The following ATP8A1 variants were observed in gnomAD, a reference collection of about 807,000 sequenced individuals.
The protein encoded by ATP8A1 is ATPase phospholipid transporting 8A1, also known as phospholipid-transporting ATPase IA.
In ATP8A1, 90 loss-of-function variants were observed where a neutral mutation model predicts 177.7. That is an observed-to-expected ratio of 0.51 (90% confidence interval 0.43 to 0.60). The LOEUF is 0.60. ATP8A1 is among the 20% of genes least tolerant of loss of function. The pLI, the probability that ATP8A1 is intolerant of heterozygous loss-of-function variation, is 0.00. For synonymous variants in ATP8A1, 493 were observed against 485.9 expected (o/e 1.01, Z -0.19); for missense variants, 1,072 against 1,392.8 (o/e 0.77, Z 3.67).
chr4:42,510,207 G>A (rs6826414), intron 22 of ATP8A1, among the ~76,000 whole-genome samples: 20,178 of 152,154 alleles, frequency 0.13, 1,682 homozygotes, highest in East Asian at 0.26. Context: ...ACTTCTTAGT[G>A]TATAATATAT....
chr4:42,539,813 A>C (rs575140870), intron 20 of ATP8A1, among the ~76,000 whole-genome samples: 1 of 152,310 alleles, frequency 6.6e-6, no homozygotes, highest in East Asian at 1.9e-4. Flanking sequence ...AAATGGATTA[A>C]AAACAAACAT....
At chr4:42,607,052 T>G (rs1342808727) in intron 5 of ATP8A1, among the ~76,000 whole-genome samples, 1 of 152,212 alleles carries the variant, frequency 6.6e-6, no homozygotes, top group East Asian at 1.9e-4. Context: ...ATCCCTACAC[T>G]GGGTTGGAAT....
chr4:42,413,859 C>T (rs771055157), intron 36 of ATP8A1, among the ~76,000 whole-genome samples: 26 of 152,252 alleles, frequency 1.7e-4, no homozygotes, highest in South Asian at 6.2e-4. Flanking sequence ...TTTAAAAAGG[C>T]GAGGAGGAGG....
chr4:42,590,304 G>C (rs975860402), intron 7 of ATP8A1, among the ~76,000 whole-genome samples: 11 of 152,130 alleles, frequency 7.2e-5, no homozygotes, highest in Non-Finnish European at 1.5e-4. Context: ...TTTGTGCAGG[G>C]GGTCCTCTAT....
At chr4:42,590,998 A>G (rs1734119997) in intron 6 of ATP8A1, 114 bp from the exon 7 acceptor site, 3 of 911,710 alleles carry the variant, frequency 3.3e-6, no homozygotes, top group Admixed American at 2.6e-5. Context: ...ATAGAAAATA[A>G]TACATGTTAA....
chr4:42,422,734 C>T (rs1714124341), intron 35 of ATP8A1, 73 bp downstream of exon 35: 1 of 1,221,822 alleles, frequency 8.2e-7, no homozygotes, highest in Non-Finnish European at 1.2e-6. Flanking sequence ...AGTCTTATCA[C>T]TTATTTCCAA....
At chr4:42,481,397 G>A (rs1348369619) in intron 25 of ATP8A1, among the ~76,000 whole-genome samples, 9 of 152,212 alleles carry the variant, frequency 5.9e-5, no homozygotes, top group Non-Finnish European at 1.5e-5. Context: ...TTCCCTGGAA[G>A]ATAGGAATCA....
intron 25 of ATP8A1, among the ~76,000 whole-genome samples, chr4:42,468,040 C>G (rs1042750116): frequency 6.6e-6 from 1 of 152,114 alleles, no homozygotes; most frequent in Non-Finnish European, 1.5e-5. Flanking sequence ...CCACCTTACT[C>G]CTGCAAGAAT....
intron 1 of ATP8A1, among the ~76,000 whole-genome samples, chr4:42,635,332 T>C (rs1739163504): frequency 6.6e-6 from 1 of 151,992 alleles, no homozygotes; most frequent in African/African-American, 2.4e-5. Context: ...TAAGTAAGGC[T>C]GTAATTGGAA....
At chr4:42,560,989 T>C (rs908540544) in intron 15 of ATP8A1, among the ~76,000 whole-genome samples, 1 of 152,188 alleles carries the variant, frequency 6.6e-6, no homozygotes, top group African/African-American at 2.4e-5. Context: ...CATGTTTATT[T>C]ATAACATGGA....
At chr4:42,517,774 A>G (rs375141446) in intron 22 of ATP8A1, among the ~76,000 whole-genome samples, 2 of 152,348 alleles carry the variant, frequency 1.3e-5, no homozygotes, top group East Asian at 3.9e-4. Context: ...ATATGAATGC[A>G]AGTATTGGAG....
intron 35 of ATP8A1, 78 bp downstream of exon 35, chr4:42,422,729 T>C (rs1215145805): frequency 6.2e-6 from 7 of 1,136,660 alleles, no homozygotes; most frequent in Non-Finnish European, 9.1e-6. Context: ...ATACAAGTCT[T>C]ATCACTTATT....
chr4:42,491,877 T>C (rs947666789), intron 24 of ATP8A1, among the ~76,000 whole-genome samples: 2 of 152,136 alleles, frequency 1.3e-5, no homozygotes, highest in African/African-American at 2.4e-5. Context: ...TAGTAGAGAA[T>C]GTGGAAACAT....
intron 5 of ATP8A1, among the ~76,000 whole-genome samples, chr4:42,614,191 C>T (rs779848350): frequency 9.2e-5 from 14 of 151,874 alleles, no homozygotes; most frequent in Non-Finnish European, 1.6e-4. Flanking sequence ...GAGGTAAGTA[C>T]GTACCCAGAA....
At chr4:42,423,485 T>C (rs982996612) in intron 34 of ATP8A1, 132 bp downstream of exon 34, 29 of 491,406 alleles carry the variant, frequency 5.9e-5, no homozygotes, top group African/African-American at 5.6e-4. Flanking sequence ...ACCCCTTCCT[T>C]ATTTAAAATT....
chr4:42,649,138 T>C (rs1461215871), intron 1 of ATP8A1, among the ~76,000 whole-genome samples: 2 of 152,130 alleles, frequency 1.3e-5, no homozygotes, highest in Admixed American at 6.5e-5. Context: ...ATGACCTAAA[T>C]GTCCACCCAC....
intron 22 of ATP8A1, among the ~76,000 whole-genome samples, chr4:42,521,223 A>G (rs1270562074): frequency 6.6e-6 from 1 of 152,244 alleles, no homozygotes; most frequent in Admixed American, 6.5e-5. Context: ...TCTAATGGCA[A>G]GCTAGAGGTT....
chr4:42,424,251 T>C (rs966624025), intron 33 of ATP8A1, among the ~76,000 whole-genome samples: 15 of 152,038 alleles, frequency 9.9e-5, no homozygotes, highest in African/African-American at 3.6e-4. Context: ...ACCAAATTGC[T>C]GTATTAGAGC....
intron 33 of ATP8A1, among the ~76,000 whole-genome samples, chr4:42,430,588 G>A (rs1715168789): frequency 1.3e-5 from 2 of 151,926 alleles, no homozygotes; most frequent in South Asian, 4.2e-4. Flanking sequence ...CCTCACCCAG[G>A]TATTGAGCTT....
Sources: allele counts gnomAD v4.1 joint callset (sites outside exome capture counted in the v4.1 genomes callset), GRCh38; gene constraint gnomAD v4.1.1; transcripts MANE v1.5; gene names NCBI Gene and HGNC (gene_info 2026-07-23, HGNC 2026-07-21).